The following SNX29 variants were observed in gnomAD, a reference collection of about 807,000 sequenced individuals.
SNX29 encodes sorting nexin 29.
A neutral mutation model predicts 102.1 loss-of-function variants in SNX29; 78 were observed. That is an observed-to-expected ratio of 0.76 (90% CI 0.64 to 0.92). The LOEUF is 0.92. Among genes scored for constraint, SNX29 ranks in the 40% least tolerant of loss-of-function variants. SNX29 has a pLI of 0.00. For missense variants in SNX29, 1,280 were observed against 1,061.7 expected, an observed-to-expected ratio of 1.21 and a Z score of -2.86; for synonymous variants, 580 against 414.5, an observed-to-expected ratio of 1.40 and a Z score of -4.85.
intron 10 of SNX29, among the ~76,000 whole-genome samples, chr16:12,073,816 G>A (rs1168972865): frequency 2.6e-5 from 4 of 151,902 alleles, no homozygotes; most frequent in African/African-American, 9.7e-5. Context: ...TCTCTTTGTA[G>A]GTCACTCAGG....
intron 13 of SNX29, among the ~76,000 whole-genome samples, chr16:12,162,583 T>C (rs1347808616): frequency 1.3e-5 from 2 of 152,208 alleles, no homozygotes; most frequent in Non-Finnish European, 2.9e-5. Context: ...AAATGTGTGG[T>C]AGGCACATTC....
chr16:12,126,351 C>G (rs2054213828), intron 11 of SNX29, among the ~76,000 whole-genome samples: 1 of 152,214 alleles, frequency 6.6e-6, no homozygotes, highest in Admixed American at 6.5e-5. Flanking sequence ...CTGTTAAGAT[C>G]TCATTTTATA....
chr16:12,451,350 G>T (rs1055513174), intron 18 of SNX29, among the ~76,000 whole-genome samples: 1 of 152,204 alleles, frequency 6.6e-6, no homozygotes, highest in African/African-American at 2.4e-5. Flanking sequence ...AGTATTCTTG[G>T]TAGGGGAGAG....
intron 14 of SNX29, among the ~76,000 whole-genome samples, chr16:12,225,425 TA>T (rs1187507758): frequency 6.6e-6 from 1 of 152,162 alleles, no homozygotes; most frequent in Non-Finnish European, 1.5e-5. Context: ...TGATGGTGAA[TA>T]AGTCTCATGA....
At chr16:12,064,925 T>TG (rs1193921866) in intron 9 of SNX29, among the ~76,000 whole-genome samples, 1 of 152,236 alleles carries the variant, frequency 6.6e-6, no homozygotes, top group Non-Finnish European at 1.5e-5. Context: ...ACTTCCCACA[T>TG]GGAGGGCTCC....
intron 18 of SNX29, among the ~76,000 whole-genome samples, chr16:12,445,347 G>T (rs2151690300): frequency 6.6e-6 from 1 of 152,174 alleles, no homozygotes; most frequent in African/African-American, 2.4e-5. Flanking sequence ...TTATCGAGAT[G>T]CCCCCGCTTC....
At chr16:12,513,448 C>G (rs2089725278) in intron 19 of SNX29, among the ~76,000 whole-genome samples, 1 of 152,008 alleles carries the variant, frequency 6.6e-6, no homozygotes, top group African/African-American at 2.4e-5. Context: ...CCCTGCGCTG[C>G]CTTCCTCTGC....
At chr16:12,103,859 A>G (rs1251909516) in intron 11 of SNX29, among the ~76,000 whole-genome samples, 1 of 152,194 alleles carries the variant, frequency 6.6e-6, no homozygotes, top group East Asian at 1.9e-4. Context: ...AAAAACAAGG[A>G]AAGTGTATTC....
chr16:12,278,595 C>A (rs1229526517), intron 15 of SNX29, among the ~76,000 whole-genome samples: 1 of 152,088 alleles, frequency 6.6e-6, no homozygotes, highest in Admixed American at 6.5e-5. Flanking sequence ...CAAGGTAATA[C>A]ACAAAGAGCC....
chr16:12,551,661 G>A (rs547254265), intron 20 of SNX29, among the ~76,000 whole-genome samples: 16 of 152,294 alleles, frequency 1.1e-4, no homozygotes, highest in African/African-American at 2.2e-4. Context: ...TTTGGTTTCC[G>A]TTCCTGTGCA....
At chr16:12,120,126 C>T (rs1452091048) in intron 11 of SNX29, among the ~76,000 whole-genome samples, 1 of 151,894 alleles carries the variant, frequency 6.6e-6, no homozygotes, top group Non-Finnish European at 1.5e-5. Flanking sequence ...TTTTAGAGCT[C>T]GATATAGTTT....
At chr16:12,427,433 TTTTG>T (rs2151613355) in intron 18 of SNX29, among the ~76,000 whole-genome samples, 1 of 152,334 alleles carries the variant, frequency 6.6e-6, no homozygotes, top group East Asian at 1.9e-4. Flanking sequence ...ATTTTGTATG[TTTTG>T]TTTTTCTTTT....
At chr16:12,500,073 C>T (rs1389529738) in intron 19 of SNX29, among the ~76,000 whole-genome samples, 1 of 151,996 alleles carries the variant, frequency 6.6e-6, no homozygotes, top group Non-Finnish European at 1.5e-5. Flanking sequence ...CACACTGCAG[C>T]CTCAAACTCC....
chr16:12,058,488 G>GATT (rs2050613497), intron 8 of SNX29, among the ~76,000 whole-genome samples: 1 of 26,174 alleles, frequency 3.8e-5, no homozygotes, highest in African/African-American at 2.5e-4. Flanking sequence ...TTTTTTTTTG[G>GATT]TTTTTGGTTT....
At chr16:12,547,393 G>A (rs897255629) in intron 20 of SNX29, among the ~76,000 whole-genome samples, 1 of 152,168 alleles carries the variant, frequency 6.6e-6, no homozygotes, top group African/African-American at 2.4e-5. Flanking sequence ...TGTTATGGGT[G>A]ATAGAACAGG....
intron 16 of SNX29, among the ~76,000 whole-genome samples, chr16:12,384,843 C>T (rs1386045671): frequency 6.6e-6 from 1 of 152,222 alleles, no homozygotes; most frequent in Non-Finnish European, 1.5e-5. Flanking sequence ...CATCTCCATG[C>T]AGTGTAGGCG....
intron 20 of SNX29, among the ~76,000 whole-genome samples, chr16:12,547,922 G>A (rs1026201623): frequency 1.3e-5 from 2 of 152,208 alleles, no homozygotes; most frequent in East Asian, 3.9e-4. Context: ...AGGGGTTCAG[G>A]GATACCTCAA....
At chr16:12,108,686 C>T (rs1182016080) in intron 11 of SNX29, among the ~76,000 whole-genome samples, 1 of 152,146 alleles carries the variant, frequency 6.6e-6, no homozygotes, top group Non-Finnish European at 1.5e-5. Context: ...AGGTTCAGTC[C>T]ATTACGTAGA....
chr16:12,353,519 A>G (rs2082049744), intron 15 of SNX29, among the ~76,000 whole-genome samples: 1 of 151,928 alleles, frequency 6.6e-6, no homozygotes, highest in Admixed American at 6.5e-5. Flanking sequence ...ACCAGAACAC[A>G]CACACTGTCA....
Sources: allele counts gnomAD v4.1 joint callset (sites outside exome capture counted in the v4.1 genomes callset), GRCh38; gene constraint gnomAD v4.1.1; transcripts MANE v1.5; gene names NCBI Gene and HGNC (gene_info 2026-07-23, HGNC 2026-07-21).